CCDC39: variants seen among roughly 807,000 people sequenced by gnomAD.
CCDC39 encodes coiled-coil domain-containing protein 39.
A neutral mutation model predicts 121.0 loss-of-function variants in CCDC39; 113 were observed. The ratio of observed to expected loss-of-function variants is 0.93; its 90% CI spans 0.80 to 1.09. The LOEUF is 1.09. CCDC39 is among the 50% of genes least tolerant of loss of function. CCDC39 has a pLI of 0.00. For synonymous variants in CCDC39, 349 were observed against 352.2 expected, an observed-to-expected ratio of 0.99 and a Z score of 0.10; for missense variants, 1,063 against 1,074.7, an observed-to-expected ratio of 0.99 and a Z score of 0.15.
chr3:180,625,833 C>A lies in CCDC39; in HGVS notation c.1998+5636G>T, dbSNP rs143532471. 2.0e-5 allele frequency among the ~76,000 whole-genome samples: 3 copies of A among 151,670 alleles called. No individual in the cohort carries two copies. The East Asian group carries it at 5.8e-4, about 29-fold the overall frequency. The stretch of plus-strand genomic sequence containing the variant: ...TGAAGTTTTGCTGGGGTCTAGGATG[C>A]CAGGTAAGCCTGTCTTTGGGCCCCA... On this transcript the variant is annotated intron_variant, in intron 14 of 19. Coordinates refer to ENST00000476379, the MANE Select transcript of CCDC39 (RefSeq NM_181426.2).
chr3:180,654,744 T>A lies in CCDC39; in HGVS notation c.930+18A>T. 1.9e-6 allele frequency: 3 copies of A among 1,571,944 alleles called. No homozygotes were observed. The highest frequency in any genetic ancestry group is 2.6e-6 in the Non-Finnish European group (3 of 1,151,656). On this transcript the variant is annotated intron_variant, in intron 7 of 19. Coordinates refer to ENST00000476379, the MANE Select transcript of CCDC39 (RefSeq NM_181426.2). Reference sequence around the variant, plus strand: ...TTTGTCGTGAACATACAAGCCAGTCTTTTTTGAGTTGACATACCTCACCCT... The same window carrying A: ...TTTGTCGTGAACATACAAGCCAGTCATTTTTGAGTTGACATACCTCACCCT...
chr3:180,674,104 T>C (rs914163747), intron 1 of CCDC39, among the ~76,000 whole-genome samples: 9 of 152,086 alleles, frequency 5.9e-5, no homozygotes, highest in South Asian at 4.1e-4. Flanking sequence ...TTCTTCCTAT[T>C]CATGAGCATG....
At chr3:180,626,767 C>T (rs943385742) in intron 14 of CCDC39, among the ~76,000 whole-genome samples, 2 of 152,054 alleles carry the variant, frequency 1.3e-5, no homozygotes, top group East Asian at 3.9e-4. Flanking sequence ...CTCACACCTC[C>T]GTCTCACAAC....
intron 12 of CCDC39, among the ~76,000 whole-genome samples, chr3:180,642,614 A>T (rs1252240076): frequency 6.6e-6 from 1 of 152,156 alleles, no homozygotes; most frequent in Non-Finnish European, 1.5e-5. Context: ...ACACATATCA[A>T]TCAATTTTCA....
At chr3:180,652,089 G>T in intron 8 of CCDC39, 74 bp downstream of exon 8, 1 of 820,598 alleles carries the variant, frequency 1.2e-6, no homozygotes, top group Non-Finnish European at 1.9e-6. Flanking sequence ...ACAACAAATA[G>T]TCTTAAGTAT....
chr3:180,674,066 T>C (rs11916398), intron 1 of CCDC39, among the ~76,000 whole-genome samples: 1 of 151,946 alleles, frequency 6.6e-6, no homozygotes. Flanking sequence ...AATTACCTTG[T>C]GCAGTATGGC....
At chr3:180,622,106 T>C (rs1717444602) in intron 14 of CCDC39, among the ~76,000 whole-genome samples, 1 of 152,200 alleles carries the variant, frequency 6.6e-6, no homozygotes, top group Non-Finnish European at 1.5e-5. Flanking sequence ...ATCAGTGTTT[T>C]GTAGTTTTCC....
At chr3:180,625,335 G>A (rs1337995299) in intron 14 of CCDC39, among the ~76,000 whole-genome samples, 1 of 142,472 alleles carries the variant, frequency 7.0e-6, no homozygotes, top group Non-Finnish European at 1.5e-5. Flanking sequence ...TTTTGCTTGT[G>A]TAGTCTATTT....
At chr3:180,648,101 C>T (rs551173781) in intron 10 of CCDC39, 64 bp downstream of exon 10, 20 of 1,287,488 alleles carry the variant, frequency 1.6e-5, no homozygotes, top group African/African-American at 1.1e-4. Context: ...TAGAACATGG[C>T]GTATCTTGAC....
At chr3:180,657,132 G>T (rs1324909049) in intron 6 of CCDC39, among the ~76,000 whole-genome samples, 1 of 152,170 alleles carries the variant, frequency 6.6e-6, no homozygotes, top group East Asian at 1.9e-4. Flanking sequence ...GTAACAGTAT[G>T]AAAATAATAA....
In CCDC39 at chr3:180,662,016, T is replaced by G. The variant is rs1250957741; in HGVS notation, c.211-9A>C. ...CTTGCTTTGCAAAGAGACTACAGAA[T>G]AACACACAAGATAAAAAGGCTTTTA... On this transcript the variant is annotated splice_polypyrimidine_tract_variant and intron_variant, in intron 2 of 19. Transcript: ENST00000476379. The G allele has an allele frequency of 6.5e-7, 1 of 1,539,758 alleles. No individual in the cohort carries two copies. The highest frequency in any genetic ancestry group is 1.3e-5 in the South Asian group (1 of 79,702).
At chr3:180,629,666 G>A (rs938849714) in intron 14 of CCDC39, among the ~76,000 whole-genome samples, 3 of 152,146 alleles carry the variant, frequency 2.0e-5, no homozygotes, top group Admixed American at 1.3e-4. Flanking sequence ...CTTGTGAAGT[G>A]TTACCAGTAA....
chr3:180,638,291 A>C (rs1268569032), intron 13 of CCDC39, among the ~76,000 whole-genome samples: 2 of 152,178 alleles, frequency 1.3e-5, no homozygotes, highest in Non-Finnish European at 2.9e-5. Context: ...ACAACACTGT[A>C]ATCTAGCAGA....
At chr3:180,656,540 G>A (rs939058246) in intron 6 of CCDC39, among the ~76,000 whole-genome samples, 32 of 152,252 alleles carry the variant, frequency 2.1e-4, no homozygotes, top group African/African-American at 7.5e-4. Flanking sequence ...ATATGCTACC[G>A]TCAGAGGCAT....
At chr3:180,674,987 G>A (rs950669772) in intron 1 of CCDC39, among the ~76,000 whole-genome samples, 1 of 152,104 alleles carries the variant, frequency 6.6e-6, no homozygotes, top group Non-Finnish European at 1.5e-5. Flanking sequence ...GGATGATGCT[G>A]GCCTCATAGA....
Position 180,620,422 on chromosome 3 carries a change from A to T in CCDC39, c.1999-452T>A, listed in dbSNP as rs913633032. On this transcript the variant is annotated intron_variant, in intron 14 of 19. Transcript: ENST00000476379. The stretch of plus-strand genomic sequence containing the variant: ...GTATTTTGCCACAATTTTAAAAATA[A>T]TTTTTTTAAAAAAAGATCATTGTAA... 5.3e-5 allele frequency among the ~76,000 whole-genome samples: 8 copies of T among 152,004 alleles called. No individual in the cohort carries two copies. The East Asian group carries it at 5.8e-4, about 11-fold the overall frequency.
intron 14 of CCDC39, among the ~76,000 whole-genome samples, chr3:180,629,959 A>C (rs1199705926): frequency 6.6e-6 from 1 of 152,178 alleles, no homozygotes; most frequent in Non-Finnish European, 1.5e-5. Flanking sequence ...ACATTTATTG[A>C]GGACTCATTT....
chr3:180,625,942 G>A (rs567165430), intron 14 of CCDC39, among the ~76,000 whole-genome samples: 10 of 152,148 alleles, frequency 6.6e-5, no homozygotes, highest in South Asian at 6.2e-4. Context: ...GATCCTGGAA[G>A]GCTGATTCTT....
intron 1 of CCDC39, among the ~76,000 whole-genome samples, chr3:180,676,650 C>T (rs1560096954): frequency 6.6e-6 from 1 of 152,112 alleles, no homozygotes; most frequent in Non-Finnish European, 1.5e-5. Flanking sequence ...TGGGTATATA[C>T]CCAAAGGAAT....
Sources: allele counts gnomAD v4.1 joint callset (sites outside exome capture counted in the v4.1 genomes callset), GRCh38; gene constraint gnomAD v4.1.1; transcripts MANE v1.5; gene names NCBI Gene and HGNC (gene_info 2026-07-23, HGNC 2026-07-21).